The following MRPS12 variants were observed in gnomAD, a reference collection of about 807,000 sequenced individuals.
MRPS12 encodes the protein mitochondrial ribosomal protein S12.
MRPS12 carries 7 observed loss-of-function variants against 8.4 expected under a neutral mutation model. The observed-to-expected ratio is 0.83, with a 90% CI of 0.47 to 1.56. The LOEUF is 1.56. Among genes scored for constraint, MRPS12 ranks in the 40% most tolerant of loss-of-function variants. MRPS12 has a pLI of 0.01. For missense variants in MRPS12, 200 were observed against 194.1 expected (o/e 1.03, Z -0.18); for synonymous variants, 84 against 84.1 (o/e 1.00, Z 0.01).
chr19:38,932,804 C>A lies in MRPS12; in HGVS notation c.*104C>A. The A allele has an allele frequency of 6.8e-7, 1 of 1,460,036 alleles. No individual in the cohort carries two copies. Among genetic ancestry groups the A allele is most frequent in the Non-Finnish European group, 9.2e-7 (1 of 1,087,596 alleles). 90.4% of individuals were successfully genotyped at this position (1,460,036 alleles called of 1,614,324 possible). A position where few individuals can be genotyped will look rare whatever the true frequency, so the allele number is the denominator to read the frequency against. On this transcript the variant is annotated 3_prime_UTR_variant, in exon 3 of 3. Transcript: ENST00000308018. ...CTGGCCTTTGCGCCTCTAGAGGCAG[C>A]CACTCATGGATTCAAGTCCTGGCTC...
intron 1 of MRPS12, 86 bp from the exon 2 acceptor site, chr19:38,931,190 G>A (rs911539281): frequency 9.4e-7 from 1 of 1,068,882 alleles, no homozygotes; most frequent in Non-Finnish European, 1.4e-6. Context: ...TTTGATTTAA[G>A]CCAGAAAGTC....
chr19:38,932,348 C>T lies in MRPS12; in HGVS notation c.65C>T (p.Pro22Leu). ...TSLTCGPALV[P>L]RLWATCSMAT... Reference sequence around the variant, plus strand: ...CCCTCTCCAGGCCCAGCTCTGGTTCCCCGGCTCTGGGCTACCTGCTCCATG... The same window carrying T: ...CCCTCTCCAGGCCCAGCTCTGGTTCTCCGGCTCTGGGCTACCTGCTCCATG... Residue 22 changes from proline to leucine, a missense_variant, in exon 3 of 3, where the codon CCC becomes CTC. Physicochemically the swap from Pro to Leu is moderately conservative, Grantham distance 98. Coordinates refer to ENST00000308018, the MANE Select transcript of MRPS12 (RefSeq NM_033362.4). 6.5e-7 allele frequency: 1 copy of T among 1,537,970 alleles called. No individual in the cohort carries two copies. Among genetic ancestry groups the T allele is most frequent in the South Asian group, 1.2e-5 (1 of 81,496 alleles).
At chr19:38,931,103 A>G (rs561435464) in intron 1 of MRPS12, 105 bp downstream of exon 1, 26 of 658,210 alleles carry the variant, frequency 4.0e-5, no homozygotes, top group South Asian at 9.4e-5. Context: ...GAACCCACTC[A>G]GAGCGAGGCT....
rs1221044502 is a variant in MRPS12 at position 38,932,821 on chromosome 19, T to G, written c.*121T>G. On this transcript the variant is annotated 3_prime_UTR_variant, in exon 3 of 3. Coordinates refer to ENST00000308018, the MANE Select transcript of MRPS12 (RefSeq NM_033362.4). The stretch of plus-strand genomic sequence containing the variant: ...AGAGGCAGCCACTCATGGATTCAAG[T>G]CCTGGCTCCGCCTCTTCCATCAGGA... 2.0e-5 allele frequency: 27 copies of G among 1,374,686 alleles called. No individual in the cohort carries two copies. The East Asian group carries it at 6.4e-4, about 33-fold the overall frequency. The allele number at this position is 1,374,686 out of a possible 1,614,324, so 85.2% of individuals were successfully genotyped here.
At position 38,932,335 on chromosome 19, in the gene MRPS12, C is replaced by G; in HGVS notation, c.52C>G (p.Pro18Ala). The change falls in exon 3 of 3, where the codon CCA (proline) becomes GCA (alanine). Residue 18 changes from proline (P) to alanine (A), a missense_variant and splice_region_variant. Transcript: ENST00000308018. Reference sequence around the variant, plus strand: ...TAACCCCTTTCGGCCCTCTCCAGGCCCAGCTCTGGTTCCCCGGCTCTGGGC... The same window carrying G: ...TAACCCCTTTCGGCCCTCTCCAGGCGCAGCTCTGGTTCCCCGGCTCTGGGC... Reference protein sequence around the residue: ...HGLNTSLTCGPALVPRLWATC... With the variant: ...HGLNTSLTCGAALVPRLWATC... 6.5e-7 allele frequency: 1 copy of G among 1,527,912 alleles called. No individual in the cohort carries two copies. The highest frequency in any genetic ancestry group is 8.8e-7 in the Non-Finnish European group (1 of 1,136,870). 94.6% of individuals were successfully genotyped at this position (1,527,912 alleles called of 1,614,324 possible).
At chr19:38,931,381 G>A (rs1369686393) in intron 2 of MRPS12, 38 bp downstream of exon 2, 16 of 1,541,900 alleles carry the variant, frequency 1.0e-5, no homozygotes, top group Middle Eastern at 1.8e-4. Context: ...CGAGGCTAGA[G>A]GGGGAGGGTT....
Position 38,931,277 on chromosome 19 carries a change from G to A in MRPS12, c.-18G>A, listed in dbSNP as rs1974743313. On this transcript the variant is annotated splice_region_variant and 5_prime_UTR_variant, in exon 2 of 3. Coordinates refer to ENST00000308018, the MANE Select transcript of MRPS12 (RefSeq NM_033362.4). ...TGAGTCTCTTATCCCCTACCACAGG[G>A]ACGGCCCAGGTGGCAGGATGTCCTG... The A allele has an allele frequency of 1.9e-6, 3 of 1,594,666 alleles. No individual in the cohort carries two copies. Among genetic ancestry groups the A allele is most frequent in the African/African-American group, 1.4e-5 (1 of 73,820 alleles).
Position 38,931,122 on chromosome 19 carries a change from G to A in MRPS12, c.-20+124G>A, listed in dbSNP as rs1974739736. The A allele has an allele frequency of 2.1e-5, 15 of 704,402 alleles. No individual in the cohort carries two copies. In the East Asian group the frequency reaches 3.8e-4, roughly 18 times the overall value. 43.6% of individuals were successfully genotyped at this position (704,402 alleles called of 1,614,324 possible). On this transcript the variant is annotated intron_variant, in intron 1 of 2. Coordinates refer to ENST00000308018, the MANE Select transcript of MRPS12 (RefSeq NM_033362.4). Reference sequence around the variant, plus strand: ...CCACTCAGAGCGAGGCTAAATTTACGGAGGGACTTTCTGTTAGCAGCATGA... The same window carrying A: ...CCACTCAGAGCGAGGCTAAATTTACAGAGGGACTTTCTGTTAGCAGCATGA...
At position 38,932,641 on chromosome 19, in the gene MRPS12, G is replaced by C. The variant is rs1189556284; in HGVS notation, c.358G>C (p.Gly120Arg). The change falls in exon 3 of 3, where the codon GGC becomes CGC. Residue 120 changes from glycine (G) to arginine (R), a missense_variant. Transcript: ENST00000308018. ...GGGCGGCCGCACCCAGGACCTGCCAGGCGTCAAGCTCACCGTTGTGCGTGG... is the reference window on the plus strand; with the variant it reads ...GGGCGGCCGCACCCAGGACCTGCCACGCGTCAAGCTCACCGTTGTGCGTGG... ...VEGGRTQDLP[G>R]VKLTVVRGKY... 3.1e-6 allele frequency: 5 copies of C among 1,613,828 alleles called. No individual in the cohort carries two copies. Among genetic ancestry groups the C allele is most frequent in the Non-Finnish European group, 4.2e-6 (5 of 1,180,014 alleles).
rs1392915874 is a variant in MRPS12 at position 38,930,981 on chromosome 19, A to G, written c.-37A>G. 14 of 605,042 alleles carry G rather than the reference A, an allele frequency of 2.3e-5. No homozygotes were observed. Among genetic ancestry groups the G allele is most frequent in the Non-Finnish European group, 4.1e-5 (14 of 341,806 alleles). The allele number at this position is 605,042 out of a possible 1,614,324, so 37.5% of individuals were successfully genotyped here. On this transcript the variant is annotated 5_prime_UTR_variant, in exon 1 of 3. Coordinates refer to ENST00000308018, the MANE Select transcript of MRPS12 (RefSeq NM_033362.4). ...CTGGATTCAGCGTGTCCGCGACCTC[A>G]CCTTTAGGTCCTGTGAGGTCGGTGG... is the stretch of plus-strand genomic sequence containing the variant.
chr19:38,931,169 G>A, intron 1 of MRPS12, 107 bp from the exon 2 acceptor site: 1 of 852,734 alleles, frequency 1.2e-6, no homozygotes, highest in Non-Finnish European at 1.9e-6. Flanking sequence ...TAGACCTATA[G>A]AGGTATTTCC....
At position 38,932,597 on chromosome 19, in the gene MRPS12, A is replaced by C; in HGVS notation, c.314A>C (p.His105Pro). 2.5e-6 allele frequency: 4 copies of C among 1,613,730 alleles called. No homozygotes were observed. Among genetic ancestry groups the C allele is most frequent in the Non-Finnish European group, 3.4e-6 (4 of 1,179,972 alleles). Reference protein sequence around the residue: ...IPGEGHTLQEHQIVLVEGGRT... With the variant: ...IPGEGHTLQEPQIVLVEGGRT... ...GGGGAGGGCCACACCCTGCAGGAGCACCAGATTGTCCTTGTGGAGGGCGGC... is the reference window on the plus strand; with the variant it reads ...GGGGAGGGCCACACCCTGCAGGAGCCCCAGATTGTCCTTGTGGAGGGCGGC... Residue 105 changes from histidine to proline, a missense_variant, in exon 3 of 3, where the codon CAC becomes CCC. Transcript: ENST00000308018.
chr19:38,931,365 C>A, intron 2 of MRPS12, 22 bp downstream of exon 2: 1 of 1,576,142 alleles, frequency 6.3e-7, no homozygotes, highest in Non-Finnish European at 8.6e-7. Context: ...ACTTGGGCTT[C>A]AGGGACGAGG....
Position 38,932,774 on chromosome 19 carries a change from C to A in MRPS12, c.*74C>A. Reference sequence around the variant, plus strand: ...CGCTCCTGGCTGCCACAGGGTCCTCCGATGCTGGCCTTTGCGCCTCTAGAG... The same window carrying A: ...CGCTCCTGGCTGCCACAGGGTCCTCAGATGCTGGCCTTTGCGCCTCTAGAG... On this transcript the variant is annotated 3_prime_UTR_variant, in exon 3 of 3. Transcript: ENST00000308018. The A allele has an allele frequency of 6.4e-7, 1 of 1,550,898 alleles. No individual in the cohort carries two copies. Among genetic ancestry groups the A allele is most frequent in the South Asian group, 1.2e-5 (1 of 83,914 alleles).
Position 38,932,706 on chromosome 19 carries a change from G to T in MRPS12, c.*6G>T. The T allele has an allele frequency of 7.4e-6, 12 of 1,611,140 alleles. No homozygotes were observed. Among genetic ancestry groups the T allele is most frequent in the South Asian group, 1.1e-5 (1 of 90,962 alleles). On this transcript the variant is annotated 3_prime_UTR_variant, in exon 3 of 3. Coordinates refer to ENST00000308018, the MANE Select transcript of MRPS12 (RefSeq NM_033362.4). ...GCCACGTGCAGAAGAAGTGACGGCTGGGGGCACAGTGGGCTGGGCGCCCCT... is the reference window on the plus strand; with the variant it reads ...GCCACGTGCAGAAGAAGTGACGGCTTGGGGCACAGTGGGCTGGGCGCCCCT...
At position 38,930,955 on chromosome 19, in the gene MRPS12, G is replaced by A. The variant is rs1600176872; in HGVS notation, c.-63G>A. The A allele has an allele frequency of 1.6e-6, 1 of 629,314 alleles. No homozygotes were observed. The highest frequency in any genetic ancestry group is 2.8e-6 in the Non-Finnish European group (1 of 359,776). The allele number at this position is 629,314 out of a possible 1,614,324, so 39.0% of individuals were successfully genotyped here. A position where few individuals can be genotyped will look rare whatever the true frequency, so the allele number is the denominator to read the frequency against. On this transcript the variant is annotated 5_prime_UTR_variant, in exon 1 of 3. Coordinates refer to ENST00000308018, the MANE Select transcript of MRPS12 (RefSeq NM_033362.4). Reference sequence around the variant, plus strand: ...GGATAGCGCCCGGAAGAGGCTAGAAGCTGGATTCAGCGTGTCCGCGACCTC... The same window carrying A: ...GGATAGCGCCCGGAAGAGGCTAGAAACTGGATTCAGCGTGTCCGCGACCTC...
At chr19:38,932,237 T>A (rs1005987074) in intron 2 of MRPS12, 96 bp from the exon 3 acceptor site, 2 of 1,297,354 alleles carry the variant, frequency 1.5e-6, no homozygotes, top group African/African-American at 3.0e-5. Context: ...TGCATCTTTG[T>A]AAAGTGCTTT....
At chr19:38,931,041 C>T (rs1314335617) in intron 1 of MRPS12, 43 bp downstream of exon 1, 1 of 596,132 alleles carries the variant, frequency 1.7e-6, no homozygotes, top group Non-Finnish European at 3.0e-6. Flanking sequence ...CAGGCCATCT[C>T]CCCAGTTTCC....
In MRPS12 at chr19:38,931,353, G is replaced by A; in HGVS notation, c.49+10G>A. 1.3e-6 allele frequency: 2 copies of A among 1,585,222 alleles called. No homozygotes were observed. The highest frequency in any genetic ancestry group is 1.7e-6 in the Non-Finnish European group (2 of 1,166,226). On this transcript the variant is annotated intron_variant, in intron 2 of 2. Coordinates refer to ENST00000308018, the MANE Select transcript of MRPS12 (RefSeq NM_033362.4). Reference sequence around the variant, plus strand: ...ACGTCCCTAACTTGTGGTAAGTGGGGGACTTGGGCTTCAGGGACGAGGCTA... The same window carrying A: ...ACGTCCCTAACTTGTGGTAAGTGGGAGACTTGGGCTTCAGGGACGAGGCTA...
Sources: allele counts gnomAD v4.1 joint callset, GRCh38; gene constraint gnomAD v4.1.1; transcripts MANE v1.5; gene names NCBI Gene and HGNC (gene_info 2026-07-23, HGNC 2026-07-21).